Variants in DNAJB6 observed in about 807,000 individuals in gnomAD.
DNAJB6 encodes the protein dnaJ homolog subfamily B member 6.
DNAJB6 carries 16 observed loss-of-function variants against 42.7 expected under a neutral mutation model. The ratio of observed to expected loss-of-function variants is 0.37; its 90% CI spans 0.25 to 0.57. The LOEUF (loss-of-function observed/expected upper bound fraction) is 0.57, where lower values mean the gene tolerates loss of function less well. Ranked by LOEUF, DNAJB6 falls within the 20% of genes least tolerant of loss-of-function variation. The pLI is 0.74. For missense variants in DNAJB6, 347 were observed against 416.8 expected (o/e 0.83, Z 1.46); for synonymous variants, 170 against 163.5 (o/e 1.04, Z -0.30).
At chr7:157,361,945 T>C (rs1184775511) in intron 2 of DNAJB6, among the ~76,000 whole-genome samples, 3 of 152,118 alleles carry the variant, frequency 2.0e-5, no homozygotes, top group Non-Finnish European at 4.4e-5. Context: ...TTTGTATTTT[T>C]AGTAGAGATG....
intron 1 of DNAJB6, among the ~76,000 whole-genome samples, chr7:157,349,945 C>T (rs573232793): frequency 3.3e-5 from 5 of 152,206 alleles, no homozygotes; most frequent in Admixed American, 6.5e-5. Flanking sequence ...GCCTGGCCAA[C>T]GCCCGGCTAA....
intron 1 of DNAJB6, among the ~76,000 whole-genome samples, chr7:157,345,390 C>A (rs1412451031): frequency 6.6e-6 from 1 of 152,154 alleles, no homozygotes; most frequent in Non-Finnish European, 1.5e-5. Flanking sequence ...ACATGGCTCA[C>A]AGCATCCTTG....
chr7:157,354,861 C>T (rs1195692369), intron 1 of DNAJB6, among the ~76,000 whole-genome samples: 2 of 152,024 alleles, frequency 1.3e-5, no homozygotes, highest in Non-Finnish European at 2.9e-5. Context: ...ACAGGCACCT[C>T]GGAGCTCAAG....
At chr7:157,367,597 A>G in intron 5 of DNAJB6, 114 bp downstream of exon 5, 2 of 715,154 alleles carry the variant, frequency 2.8e-6, no homozygotes, top group Non-Finnish European at 5.0e-6. Flanking sequence ...GCGGTGGCTC[A>G]TGCCTGTAAT....
intron 8 of DNAJB6, among the ~76,000 whole-genome samples, chr7:157,386,900 C>T (rs1476673976): frequency 2.1e-5 from 3 of 143,412 alleles, no homozygotes; most frequent in African/African-American, 8.2e-5. Context: ...AAAAAAAAAT[C>T]ACTTTGGGAC....
intron 3 of DNAJB6, among the ~76,000 whole-genome samples, chr7:157,363,868 T>A (rs1799724273): frequency 6.6e-6 from 1 of 152,046 alleles, no homozygotes; most frequent in Non-Finnish European, 1.5e-5. Context: ...CTAGATGCAG[T>A]CAGGGTTCCA....
intron 5 of DNAJB6, among the ~76,000 whole-genome samples, chr7:157,375,047 G>A (rs1800402648): frequency 6.6e-6 from 1 of 152,210 alleles, no homozygotes. Context: ...CTCCCAGGGG[G>A]AGATGTTCTG....
At chr7:157,352,359 TC>T (rs1443186567) in intron 1 of DNAJB6, among the ~76,000 whole-genome samples, 1 of 151,934 alleles carries the variant, frequency 6.6e-6, no homozygotes, top group Non-Finnish European at 1.5e-5. Context: ...TATATAATTT[TC>T]TTTTTTACTC....
intron 8 of DNAJB6, among the ~76,000 whole-genome samples, chr7:157,407,664 G>T (rs996050918): frequency 6.6e-6 from 1 of 152,152 alleles, no homozygotes; most frequent in Non-Finnish European, 1.5e-5. Context: ...ATGGCCCAGG[G>T]TGCACAGGTG....
At chr7:157,351,334 A>G (rs1216876964) in intron 1 of DNAJB6, among the ~76,000 whole-genome samples, 1 of 152,110 alleles carries the variant, frequency 6.6e-6, no homozygotes, top group African/African-American at 2.4e-5. Context: ...AACTCTATTA[A>G]AAAACTGTTG....
intron 5 of DNAJB6, among the ~76,000 whole-genome samples, chr7:157,376,230 G>T (rs1800464458): frequency 6.6e-6 from 1 of 152,172 alleles, no homozygotes. Flanking sequence ...TTTGTTACAT[G>T]TGTTTTGTGG....
At chr7:157,405,796 A>C (rs1023165683) in intron 8 of DNAJB6, among the ~76,000 whole-genome samples, 25 of 152,350 alleles carry the variant, frequency 1.6e-4, no homozygotes, top group Admixed American at 7.8e-4. Flanking sequence ...GGCGAGAGCC[A>C]TGGGGTGGTG....
chr7:157,386,464 T>C, intron 8 of DNAJB6: 2 of 253,764 alleles, frequency 7.9e-6, no homozygotes, highest in Non-Finnish European at 1.2e-5. Context: ...ATATGAAGAT[T>C]TTCATATTGT....
Position 157,407,037 on chromosome 7 carries a change from G to A in DNAJB6, c.692-2758G>A, listed in dbSNP as rs1013630454. On this transcript the variant is annotated intron_variant, in intron 8 of 9. Transcript: ENST00000262177. ...CACAGCGCTCTGAAGACAGGTCCTC[G>A]GACACCCGCCCAGGGGCGCGTTTTC... is the stretch of plus-strand genomic sequence containing the variant. Among the ~76,000 whole-genome samples, 26 of 152,350 alleles carry A rather than the reference G, an allele frequency of 1.7e-4. No homozygotes were observed. The East Asian group carries it at 2.9e-3, about 17-fold the overall frequency.
intron 8 of DNAJB6, among the ~76,000 whole-genome samples, chr7:157,395,389 A>G (rs1034513640): frequency 6.6e-6 from 1 of 152,240 alleles, no homozygotes; most frequent in African/African-American, 2.4e-5. Context: ...AGAGAATTGC[A>G]TGGGCAGCTT....
At chr7:157,399,035 CAG>C (rs1185985754) in intron 8 of DNAJB6, among the ~76,000 whole-genome samples, 2 of 152,202 alleles carry the variant, frequency 1.3e-5, no homozygotes, top group African/African-American at 4.8e-5. Flanking sequence ...TGTTGGCTCT[CAG>C]AGGGTGAGGC....
At chr7:157,346,135 C>G (rs992993918) in intron 1 of DNAJB6, among the ~76,000 whole-genome samples, 1 of 152,032 alleles carries the variant, frequency 6.6e-6, no homozygotes, top group Non-Finnish European at 1.5e-5. Flanking sequence ...TGCTCATCCT[C>G]ACAGTGCTGG....
intron 8 of DNAJB6, among the ~76,000 whole-genome samples, chr7:157,408,748 C>T (rs531931368): frequency 3.3e-5 from 5 of 152,366 alleles, no homozygotes; most frequent in Admixed American, 2.0e-4. Context: ...GAATGTCTGT[C>T]GGTCTGTCAG....
At chr7:157,355,211 T>A (rs1407536849) in intron 1 of DNAJB6, among the ~76,000 whole-genome samples, 6 of 152,206 alleles carry the variant, frequency 3.9e-5, no homozygotes, top group Non-Finnish European at 7.4e-5. Flanking sequence ...TGGAGTGCAG[T>A]GGCGCGGGCG....
Sources: gnomAD v4.1 joint callset for allele counts (sites outside exome capture counted in the v4.1 genomes callset) on GRCh38, gnomAD v4.1.1 for gene constraint, MANE v1.5 for transcripts, NCBI Gene and HGNC (gene_info 2026-07-23, HGNC 2026-07-21) for gene names.